Variants in AUTS2 observed in about 807,000 individuals in gnomAD.
The protein encoded by AUTS2 is autism susceptibility gene 2 protein.
Under a neutral mutation model 112.4 loss-of-function variants are expected in AUTS2, and 17 were observed. That is an observed-to-expected ratio of 0.15 (90% CI 0.10 to 0.23). The LOEUF is 0.23. Among genes scored for constraint, AUTS2 ranks in the 10% least tolerant of loss-of-function variants. The probability of loss-of-function intolerance (pLI) is 1.00; values close to 1 mark genes in which losing one functional copy is unlikely to be tolerated. For synonymous variants in AUTS2, 751 were observed against 702.7 expected, an observed-to-expected ratio of 1.07 and a Z score of -1.09; for missense variants, 1,510 against 1,701.6, an observed-to-expected ratio of 0.89 and a Z score of 1.98.
chr7:69,835,169 G>C (rs1253934528), intron 1 of AUTS2, among the ~76,000 whole-genome samples: 1 of 151,850 alleles, frequency 6.6e-6, no homozygotes, highest in Non-Finnish European at 1.5e-5. Context: ...CTAATTTCTA[G>C]GTTTGTTAAG....
intron 5 of AUTS2, among the ~76,000 whole-genome samples, chr7:70,578,262 C>A (rs972571364): frequency 6.6e-6 from 1 of 152,158 alleles, no homozygotes; most frequent in African/African-American, 2.4e-5. Context: ...AAATAAGTTT[C>A]GATTGTCCTG....
chr7:69,974,604 T>C, intron 2 of AUTS2, among the ~76,000 whole-genome samples: 1 of 151,940 alleles, frequency 6.6e-6, no homozygotes, highest in Non-Finnish European at 1.5e-5. Flanking sequence ...GGGCAGGAGA[T>C]TTGGATGTCC....
At chr7:69,608,569 T>C (rs1026180583) in intron 1 of AUTS2, among the ~76,000 whole-genome samples, 2 of 152,216 alleles carry the variant, frequency 1.3e-5, no homozygotes, top group Non-Finnish European at 2.9e-5. Flanking sequence ...GGTTAAATGT[T>C]GTTTAGCGAA....
intron 1 of AUTS2, among the ~76,000 whole-genome samples, chr7:69,688,197 A>G (rs1797147563): frequency 6.6e-6 from 1 of 152,210 alleles, no homozygotes; most frequent in Non-Finnish European, 1.5e-5. Flanking sequence ...CTGGTGACCA[A>G]TTTGAAATGA....
At chr7:69,876,499 TA>T (rs1793796786) in intron 1 of AUTS2, among the ~76,000 whole-genome samples, 1 of 5,984 alleles carries the variant, frequency 1.7e-4, no homozygotes, top group Non-Finnish European at 2.9e-4. Flanking sequence ...TATATATATA[TA>T]TATATATATA....
intron 4 of AUTS2, among the ~76,000 whole-genome samples, chr7:70,336,108 T>C (rs1790978509): frequency 6.6e-6 from 1 of 152,248 alleles, no homozygotes; most frequent in African/African-American, 2.4e-5. Flanking sequence ...TCACAATCTT[T>C]TATGCTGGAA....
At chr7:69,892,014 G>A (rs561375521) in intron 1 of AUTS2, among the ~76,000 whole-genome samples, 21 of 151,286 alleles carry the variant, frequency 1.4e-4, no homozygotes, top group Non-Finnish European at 2.5e-4. Flanking sequence ...GGATGGTCTC[G>A]ATCTCCTGCC....
intron 4 of AUTS2, among the ~76,000 whole-genome samples, chr7:70,165,521 C>A (rs981631222): frequency 2.2e-4 from 34 of 152,090 alleles, no homozygotes; most frequent in African/African-American, 7.7e-4. Context: ...ACTGAAAGAA[C>A]AAATACCCTC....
At chr7:70,390,195 G>A (rs1484067386) in intron 4 of AUTS2, among the ~76,000 whole-genome samples, 2 of 152,206 alleles carry the variant, frequency 1.3e-5, no homozygotes, top group Non-Finnish European at 1.5e-5. Flanking sequence ...CAATAGCTTT[G>A]TATGATAAAA....
intron 5 of AUTS2, among the ~76,000 whole-genome samples, chr7:70,461,412 T>G (rs1240718586): frequency 1.3e-5 from 2 of 152,128 alleles, no homozygotes; most frequent in African/African-American, 4.8e-5. Flanking sequence ...TATGTACCAC[T>G]GTGAGCTTGG....
At chr7:69,750,419 G>T (rs1339607587) in intron 1 of AUTS2, among the ~76,000 whole-genome samples, 2 of 148,366 alleles carry the variant, frequency 1.3e-5, no homozygotes, top group Non-Finnish European at 3.0e-5. Context: ...AGTATTATTA[G>T]TAGTATTATA....
chr7:69,992,115 GT>G (rs1798764090), intron 2 of AUTS2, among the ~76,000 whole-genome samples: 1 of 152,206 alleles, frequency 6.6e-6, no homozygotes, highest in Non-Finnish European at 1.5e-5. Flanking sequence ...CTTTTTGCTA[GT>G]GTTCCCATCT....
intron 4 of AUTS2, among the ~76,000 whole-genome samples, chr7:70,295,902 T>C (rs1325733498): frequency 6.6e-6 from 1 of 152,200 alleles, no homozygotes; most frequent in African/African-American, 2.4e-5. Flanking sequence ...CTCATCTTAG[T>C]AATAGCCTTT....
At chr7:70,396,027 T>A (rs931853443) in intron 4 of AUTS2, among the ~76,000 whole-genome samples, 16 of 152,246 alleles carry the variant, frequency 1.1e-4, no homozygotes, top group Admixed American at 3.3e-4. Flanking sequence ...TATCTACACT[T>A]AATTTTTAAA....
At chr7:69,763,556 A>G (rs1412293786) in intron 1 of AUTS2, among the ~76,000 whole-genome samples, 2 of 152,126 alleles carry the variant, frequency 1.3e-5, no homozygotes, top group African/African-American at 4.8e-5. Flanking sequence ...ATCTTTCTCC[A>G]TTAGATTTCA....
intron 1 of AUTS2, among the ~76,000 whole-genome samples, chr7:69,804,254 T>C (rs1287931657): frequency 6.6e-6 from 1 of 152,070 alleles, no homozygotes; most frequent in Non-Finnish European, 1.5e-5. Flanking sequence ...ATAACACACA[T>C]ATATGGTCAC....
chr7:69,809,721 C>T (rs1333783544), intron 1 of AUTS2, among the ~76,000 whole-genome samples: 1 of 152,174 alleles, frequency 6.6e-6, no homozygotes, highest in Non-Finnish European at 1.5e-5. Flanking sequence ...TGATCACATA[C>T]TGGAATGACT....
intron 1 of AUTS2, among the ~76,000 whole-genome samples, chr7:69,800,194 T>C (rs549218833): frequency 1.3e-5 from 2 of 152,192 alleles, no homozygotes; most frequent in African/African-American, 4.8e-5. Flanking sequence ...CCAGCTGCCT[T>C]GTGGGTATCA....
chr7:69,680,251 G>T (rs1012430673), intron 1 of AUTS2, among the ~76,000 whole-genome samples: 3 of 152,196 alleles, frequency 2.0e-5, no homozygotes, highest in Non-Finnish European at 4.4e-5. Context: ...GGTTACATAG[G>T]TAGGGATTGT....
Sources: allele counts gnomAD v4.1 joint callset (sites outside exome capture counted in the v4.1 genomes callset), GRCh38; gene constraint gnomAD v4.1.1; transcripts MANE v1.5; gene names NCBI Gene and HGNC (gene_info 2026-07-23, HGNC 2026-07-21).